TAOK3: variants seen among roughly 807,000 people sequenced by gnomAD.
TAOK3 encodes the protein TAO kinase 3, also known as serine/threonine-protein kinase TAO3.
A neutral mutation model predicts 120.4 loss-of-function variants in TAOK3; 40 were observed. The observed-to-expected ratio is 0.33, with a 90% CI of 0.26 to 0.43. The LOEUF is 0.43. TAOK3 is among the 20% of genes least tolerant of loss of function. TAOK3 has a pLI of 1.00. For missense variants in TAOK3, 821 were observed against 1,112.1 expected (o/e 0.74, Z 3.72); for synonymous variants, 355 against 387.5 (o/e 0.92, Z 0.99).
intron 1 of TAOK3, among the ~76,000 whole-genome samples, chr12:118,317,499 G>A (rs913901609): frequency 3.3e-5 from 5 of 151,690 alleles, no homozygotes; most frequent in East Asian, 2.0e-4. Flanking sequence ...GGGTTTCACC[G>A]TGTTAGCCAG....
intron 17 of TAOK3, among the ~76,000 whole-genome samples, chr12:118,165,126 C>T (rs775078987): frequency 5.9e-5 from 9 of 152,168 alleles, no homozygotes; most frequent in Non-Finnish European, 8.8e-5. Context: ...TCTCTCTCAT[C>T]TCCTCCCGTG....
In TAOK3 at chr12:118,244,530, TTTC is replaced by T. The variant is rs1312223283; in HGVS notation, c.192+361_192+363del. ...GAATTTTGTTAATTTCTTTTTTCTT[TTTC>T]TTTTTTTTTTTTTGAGACAGAGCCT... is the stretch of plus-strand genomic sequence containing the variant. On this transcript the variant is annotated intron_variant, in intron 4 of 20. Transcript: ENST00000392533. 2.4e-4 allele frequency among the ~76,000 whole-genome samples: 31 copies of T among 131,152 alleles called. 1 individual carries two copies. The South Asian group carries it at 7.7e-3, about 33-fold the overall frequency. The allele number at this position is 131,152 out of a possible 152,430, so 86.0% of individuals were successfully genotyped here. A position where few individuals can be genotyped will look rare whatever the true frequency, so the allele number is the denominator to read the frequency against.
At chr12:118,213,982 T>C in intron 10 of TAOK3, 35 bp downstream of exon 10, 1 of 1,548,586 alleles carries the variant, frequency 6.5e-7, no homozygotes, top group Non-Finnish European at 8.9e-7. Context: ...ATACGGTGAT[T>C]TTCTTAGAGA....
At chr12:118,153,415 A>G (rs2034590511) in intron 19 of TAOK3, among the ~76,000 whole-genome samples, 1 of 152,120 alleles carries the variant, frequency 6.6e-6, no homozygotes, top group Non-Finnish European at 1.5e-5. Flanking sequence ...CTCATAAAAA[A>G]AAAATCTCTT....
At chr12:118,250,931 G>C (rs751883296) in intron 3 of TAOK3, among the ~76,000 whole-genome samples, 6 of 152,110 alleles carry the variant, frequency 3.9e-5, no homozygotes, top group Admixed American at 2.0e-4. Context: ...AACAGTTTAC[G>C]CAAGATTCCA....
At chr12:118,270,646 T>G (rs1322787915) in intron 1 of TAOK3, among the ~76,000 whole-genome samples, 1 of 151,840 alleles carries the variant, frequency 6.6e-6, no homozygotes, top group Admixed American at 6.6e-5. Context: ...TCTCAGCTAT[T>G]CTTACAGTCC....
intron 1 of TAOK3, among the ~76,000 whole-genome samples, chr12:118,296,225 A>G (rs78353422): frequency 0.02 from 3,096 of 152,246 alleles, 109 homozygotes; most frequent in African/African-American, 0.071. Context: ...TCCATCTCCA[A>G]GATTCAAGCG....
chr12:118,248,186 T>C (rs1337482156), intron 3 of TAOK3, among the ~76,000 whole-genome samples: 2 of 150,470 alleles, frequency 1.3e-5, no homozygotes, highest in Non-Finnish European at 3.0e-5. Context: ...CCACAGATTC[T>C]TATGGAATGT....
Position 118,257,767 on chromosome 12 carries a change from A to C in TAOK3, c.-88-2112T>G, listed in dbSNP as rs1160147035. On this transcript the variant is annotated intron_variant, in intron 2 of 20. Coordinates refer to ENST00000392533, the MANE Select transcript of TAOK3 (RefSeq NM_016281.4). ...GACAACATACATTACTTCATAGTCT[A>C]GTTAGTTCACTAGTATACACAGGTC... Among the ~76,000 whole-genome samples the C allele has an allele frequency of 2.6e-5, 4 of 152,194 alleles. No homozygotes were observed. In the East Asian group the frequency reaches 7.7e-4, roughly 29 times the overall value.
chr12:118,221,101 C>T (rs2039207548), intron 9 of TAOK3, among the ~76,000 whole-genome samples: 1 of 152,256 alleles, frequency 6.6e-6, no homozygotes, highest in Non-Finnish European at 1.5e-5. Context: ...TTTCATCCTC[C>T]AGCGGCAAAG....
chr12:118,366,578 T>C (rs530925670), intron 1 of TAOK3, among the ~76,000 whole-genome samples: 2 of 152,252 alleles, frequency 1.3e-5, no homozygotes, highest in East Asian at 1.9e-4. Flanking sequence ...GAAAGTAAAA[T>C]TGATCCCTTC....
At chr12:118,361,138 A>T (rs1488319110) in intron 1 of TAOK3, among the ~76,000 whole-genome samples, 1 of 152,172 alleles carries the variant, frequency 6.6e-6, no homozygotes, top group Non-Finnish European at 1.5e-5. Context: ...AACAAGTGAA[A>T]TTTTTTCTCA....
At chr12:118,360,607 C>T (rs2045565871) in intron 1 of TAOK3, among the ~76,000 whole-genome samples, 2 of 146,062 alleles carry the variant, frequency 1.4e-5, no homozygotes, top group South Asian at 4.4e-4. Context: ...TTTCATTCAA[C>T]AAATGCTTAC....
chr12:118,253,438 TTAAA>T (rs1393524614), intron 3 of TAOK3, among the ~76,000 whole-genome samples: 1 of 152,192 alleles, frequency 6.6e-6, no homozygotes, highest in Admixed American at 6.5e-5. Context: ...ATTTGTTAAA[TTAAA>T]TAACTATATT....
At chr12:118,151,289 GCACACACACACA>G (rs773751889) in intron 20 of TAOK3, 131 bp from the exon 21 acceptor site, 1 of 252,142 alleles carries the variant, frequency 4.0e-6, no homozygotes, top group Non-Finnish European at 7.3e-6. Context: ...GCGCGCGCGC[GCACACACACACA>G]CACACACACA....
intron 1 of TAOK3, among the ~76,000 whole-genome samples, chr12:118,316,680 G>A (rs2043473477): frequency 6.6e-6 from 1 of 152,016 alleles, no homozygotes; most frequent in Non-Finnish European, 1.5e-5. Context: ...CTCCCAAAGT[G>A]CCAGGATTAC....
Position 118,189,529 on chromosome 12 carries a change from GACACAGACAC to G in TAOK3, c.1329+268_1329+277del, listed in dbSNP as rs1372367675. Among the ~76,000 whole-genome samples, 679 of 83,296 alleles carry G rather than the reference GACACAGACAC, an allele frequency of 8.2e-3. 9 individuals are homozygous for G. The highest frequency in any genetic ancestry group is 0.03 in the African/African-American group (655 of 21,702). 54.6% of individuals were successfully genotyped at this position (83,296 alleles called of 152,430 possible). ...CATACAGCATATACAAACACACACAGACACAGACACACACACACACACACACACACACACA... is the reference window on the plus strand; with the variant it reads ...CATACAGCATATACAAACACACACAGACACACACACACACACACACACACA... On this transcript the variant is annotated intron_variant, in intron 14 of 20. Coordinates refer to ENST00000392533, the MANE Select transcript of TAOK3 (RefSeq NM_016281.4).
At chr12:118,357,032 CA>C (rs1363599682) in intron 1 of TAOK3, among the ~76,000 whole-genome samples, 2 of 152,216 alleles carry the variant, frequency 1.3e-5, no homozygotes, top group Non-Finnish European at 2.9e-5. Flanking sequence ...GAGCAACTTG[CA>C]TAACTCCTAC....
At chr12:118,250,914 G>A (rs1013777030) in intron 3 of TAOK3, among the ~76,000 whole-genome samples, 2 of 152,074 alleles carry the variant, frequency 1.3e-5, no homozygotes, top group Admixed American at 6.6e-5. Context: ...AGAAATATTC[G>A]AGAGAGAACA....
Sources: gnomAD v4.1 joint callset for allele counts (sites outside exome capture counted in the v4.1 genomes callset) on GRCh38, gnomAD v4.1.1 for gene constraint, MANE v1.5 for transcripts, NCBI Gene and HGNC (gene_info 2026-07-23, HGNC 2026-07-21) for gene names.